Variants in DDX18 observed in about 807,000 individuals in gnomAD.
DDX18 encodes DEAD-box helicase 18, also known as ATP-dependent RNA helicase DDX18.
DDX18 carries 23 observed loss-of-function variants against 73.5 expected under a neutral mutation model. The observed-to-expected ratio is 0.31, with a 90% confidence interval of 0.23 to 0.44. DDX18 has a LOEUF of 0.44. Among genes scored for constraint, DDX18 ranks in the 20% least tolerant of loss-of-function variants. The pLI, the probability that DDX18 is intolerant of heterozygous loss-of-function variation, is 1.00. For missense variants in DDX18, 753 were observed against 792.9 expected, an observed-to-expected ratio of 0.95 and a Z score of 0.60; for synonymous variants, 268 against 282.7, an observed-to-expected ratio of 0.95 and a Z score of 0.52.
At chr2:117,825,982 C>A in intron 10 of DDX18, 1 of 388,128 alleles carries the variant, frequency 2.6e-6, no homozygotes, top group Middle Eastern at 7.1e-4. Flanking sequence ...TGATGAAGCA[C>A]ACATAATACT....
rs1679861184 is a variant in DDX18 at position 117,822,442 on chromosome 2, T to C, written c.1066+181T>C. On this transcript the variant is annotated intron_variant, in intron 7 of 13. Coordinates refer to ENST00000263239, the MANE Select transcript of DDX18 (RefSeq NM_006773.4). ...TCAAATGTATTATAACTTGATATAATAGTTTTGCTGTTTTAGAAGTTATAA... is the reference window on the plus strand; with the variant it reads ...TCAAATGTATTATAACTTGATATAACAGTTTTGCTGTTTTAGAAGTTATAA... 9 of 543,432 alleles carry C rather than the reference T, an allele frequency of 1.7e-5. No homozygotes were observed. In the South Asian group the frequency reaches 1.8e-4, roughly 11 times the overall value. 33.7% of individuals were successfully genotyped at this position (543,432 alleles called of 1,614,324 possible).
Position 117,830,619 on chromosome 2 carries a change from A to AG in DDX18, c.1910dup (p.Gly638TrpfsTer13). ...ATGAAGGCAAGCAGAAAAAGCGAGGAGGTGGTGGTGGATTTGGCTACCAGA... is the reference window on the plus strand; with the variant it reads ...ATGAAGGCAAGCAGAAAAAGCGAGGAGGGTGGTGGTGGATTTGGCTACCAGA... On this transcript the variant is annotated frameshift_variant, in exon 14 of 14. Coordinates refer to ENST00000263239, the MANE Select transcript of DDX18 (RefSeq NM_006773.4). LOFTEE classifies it high-confidence loss of function. 7 of 1,613,808 alleles carry AG rather than the reference A, an allele frequency of 4.3e-6. No homozygotes were observed. Among genetic ancestry groups the AG allele is most frequent in the Non-Finnish European group, 4.2e-6 (5 of 1,179,808 alleles).
chr2:117,815,100 C>T (rs1230676477), intron 1 of DDX18: 3 of 556,028 alleles, frequency 5.4e-6, no homozygotes, highest in Admixed American at 3.1e-5. Context: ...AACGTTAGAG[C>T]GGGAGGACTC....
chr2:117,817,421 A>G (rs752046455), intron 1 of DDX18, 23 bp from the exon 2 acceptor site: 43 of 1,578,732 alleles, frequency 2.7e-5, no homozygotes, highest in East Asian at 2.0e-4. Flanking sequence ...TTGTCACAGT[A>G]TATGTTCTGT....
At chr2:117,827,672 CT>C (rs1679956174) in intron 11 of DDX18, 1 of 152,108 alleles carries the variant, frequency 6.6e-6, no homozygotes, top group Admixed American at 6.6e-5. Flanking sequence ...TGAACTCATC[CT>C]TTTTTATGGC....
intron 7 of DDX18, chr2:117,824,345 C>A: frequency 2.7e-6 from 1 of 370,816 alleles, no homozygotes; most frequent in Non-Finnish European, 4.7e-6. Context: ...CTATTTTCTT[C>A]AGTTGTTTGT....
chr2:117,819,565 A>T (rs1679810963), intron 2 of DDX18, 84 bp from the exon 3 acceptor site: 1 of 1,213,472 alleles, frequency 8.2e-7, no homozygotes, highest in Non-Finnish European at 1.1e-6. Flanking sequence ...ACGTCTTTAT[A>T]TCAGAGATCT....
chr2:117,821,962 G>C lies in DDX18; in HGVS notation c.852G>C (p.Leu284Phe), dbSNP rs1048538007. 6 of 1,613,948 alleles carry C rather than the reference G, an allele frequency of 3.7e-6. No individual in the cohort carries two copies. In the African/African-American group the frequency reaches 8.0e-5, roughly 22 times the overall value. The change falls in exon 6 of 14, where the codon TTG becomes TTC. Residue 284 changes from leucine to phenylalanine, a missense_variant. By Grantham distance (22) the Leu-to-Phe change is conservative (BLOSUM62 0). Coordinates refer to ENST00000263239, the MANE Select transcript of DDX18 (RefSeq NM_006773.4). ...LMTHHVHTYGLIMGGSNRSAE... is the reference protein window; with the variant it reads ...LMTHHVHTYGFIMGGSNRSAE... ...CTCACCACGTGCATACCTATGGCTT[G>C]ATAATGGGTGGCAGTAACAGATCTG...
chr2:117,830,861 TGA>T lies in DDX18; in HGVS notation c.*139_*140del, dbSNP rs1484629555. 4 of 924,554 alleles carry T rather than the reference TGA, an allele frequency of 4.3e-6. No homozygotes were observed. The highest frequency in any genetic ancestry group is 6.6e-6 in the Non-Finnish European group (4 of 609,416). The allele number at this position is 924,554 out of a possible 1,614,324, so 57.3% of individuals were successfully genotyped here. On this transcript the variant is annotated 3_prime_UTR_variant, in exon 14 of 14. Transcript: ENST00000263239. ...ATAAATTGACTTGGGTTGCAAGCAC[TGA>T]GCACTGTTACTTCTATCACGTCTCT...
rs905285940 is a variant in DDX18 at position 117,831,987 on chromosome 2, GGAAAA to G, written c.*1272_*1276del. 4.6e-5 allele frequency: 7 copies of G among 152,184 alleles called. No individual in the cohort carries two copies. The highest frequency in any genetic ancestry group is 1.2e-4 in the African/African-American group (5 of 41,422). 9.4% of individuals were successfully genotyped at this position (152,184 alleles called of 1,614,324 possible). ...AAAACTGGTAAAGAACATTCCAGTA[GGAAAA>G]GAAAAGAACAATCTTCCATTTCTGG... On this transcript the variant is annotated 3_prime_UTR_variant, in exon 14 of 14. Coordinates refer to ENST00000263239, the MANE Select transcript of DDX18 (RefSeq NM_006773.4).
At chr2:117,824,065 AT>A (rs1280258077) in intron 7 of DDX18, among the ~76,000 whole-genome samples, 1 of 152,258 alleles carries the variant, frequency 6.6e-6, no homozygotes, top group East Asian at 1.9e-4. Context: ...TCTATTTCAA[AT>A]TTTGTATATG....
rs61755351 is a variant in DDX18 at position 117,819,668 on chromosome 2, T to C, written c.390T>C (p.Thr130=). Reference sequence around the variant, plus strand: ...CCAAAGATACGAAAAAAGCAAAAACTGAAAACAAAGGGAAATCTGAAGAAG... The same window carrying C: ...CCAAAGATACGAAAAAAGCAAAAACCGAAAACAAAGGGAAATCTGAAGAAG... ...DAEPDTKKAK[T]ENKGKSEEES... The change falls in exon 3 of 14, where the codon ACT becomes ACC. Residue 130 remains threonine, a synonymous_variant. Coordinates refer to ENST00000263239, the MANE Select transcript of DDX18 (RefSeq NM_006773.4). 631 of 1,585,302 alleles carry C rather than the reference T, an allele frequency of 4.0e-4. 3 individuals are homozygous for C. In the African/African-American group the frequency reaches 8.1e-3, roughly 20 times the overall value.
chr2:117,824,599 C>T lies in DDX18; in HGVS notation c.1097C>T (p.Thr366Ile), dbSNP rs1371884608. 2.0e-6 allele frequency: 3 copies of T among 1,484,038 alleles called. No homozygotes were observed. The highest frequency in any genetic ancestry group is 2.7e-6 in the Non-Finnish European group (3 of 1,118,220). 91.9% of individuals were successfully genotyped at this position (1,484,038 alleles called of 1,614,324 possible). A position where few individuals can be genotyped will look rare whatever the true frequency, so the allele number is the denominator to read the frequency against. ...TRRQTMLFSA[T>I]QTRKVEDLAR... ...AGACAGACTATGCTCTTTTCTGCCA[C>T]CCAAACTCGAAAAGTTGAAGACCTG... The change falls in exon 8 of 14, where the codon ACC (threonine) becomes ATC (isoleucine). Residue 366 changes from threonine to isoleucine, a missense_variant. By Grantham distance (89) the Thr-to-Ile change is moderately conservative (BLOSUM62 -1). This residue lies in a region of DDX18 where 402 missense variants were observed against 419.4 expected (regional missense o/e 0.96). Coordinates refer to ENST00000263239, the MANE Select transcript of DDX18 (RefSeq NM_006773.4).
rs778782995 is a variant in DDX18, at chr2:117,821,179, C to T, written c.533C>T (p.Ser178Leu). ...TGTTTAGGAGCTTTTGAGGATACTT[C>T]GTTTGCTTCTCTATGTAATCTTGTC... ...LGLTGAFEDT[S>L]FASLCNLVNE... Residue 178 changes from serine (S) to leucine (L), a missense_variant, in exon 4 of 14, where the codon TCG (serine) becomes TTG (leucine). By Grantham distance (145) the Ser-to-Leu change is moderately radical (BLOSUM62 -2). Transcript: ENST00000263239. The T allele has an allele frequency of 8.2e-6, 13 of 1,588,766 alleles. No individual in the cohort carries two copies. Among genetic ancestry groups the T allele is most frequent in the South Asian group, 1.2e-5 (1 of 85,032 alleles).
chr2:117,821,193 T>C lies in DDX18; in HGVS notation c.547T>C (p.Cys183Arg). The C allele has an allele frequency of 6.2e-7, 1 of 1,606,656 alleles. No individual in the cohort carries two copies. The highest frequency in any genetic ancestry group is 8.5e-7 in the Non-Finnish European group (1 of 1,177,138). The change falls in exon 4 of 14, where the codon TGT (cysteine) becomes CGT (arginine). Residue 183 changes from cysteine to arginine, a missense_variant. By Grantham distance (180) the Cys-to-Arg change is radical. This residue lies in a region of DDX18 where 345 missense variants were observed against 352.0 expected (regional missense o/e 0.98). Coordinates refer to ENST00000263239, the MANE Select transcript of DDX18 (RefSeq NM_006773.4). Reference protein sequence around the residue: ...AFEDTSFASLCNLVNENTLKA... With the variant: ...AFEDTSFASLRNLVNENTLKA... ...TGAGGATACTTCGTTTGCTTCTCTATGTAATCTTGTCAATGAAAACACTCT... is the reference window on the plus strand; with the variant it reads ...TGAGGATACTTCGTTTGCTTCTCTACGTAATCTTGTCAATGAAAACACTCT...
intron 1 of DDX18, among the ~76,000 whole-genome samples, chr2:117,816,027 A>T (rs2104618305): frequency 6.6e-6 from 1 of 152,354 alleles, no homozygotes; most frequent in Admixed American, 6.5e-5. Flanking sequence ...GTATGGCTAA[A>T]TATATCTAAA....
At chr2:117,828,770 C>T in intron 11 of DDX18, 179 bp from the exon 12 acceptor site, 1 of 581,942 alleles carries the variant, frequency 1.7e-6, no homozygotes. Flanking sequence ...GTGCAGATTG[C>T]CTAACTCAGC....
At chr2:117,814,964 C>T (rs1237741533) in intron 1 of DDX18, 102 bp downstream of exon 1, 3 of 1,197,754 alleles carry the variant, frequency 2.5e-6, no homozygotes, top group Non-Finnish European at 3.7e-6. Context: ...GAGGCAGCTT[C>T]CCCTGCAGCG....
In DDX18 at chr2:117,828,956, T is replaced by C. The variant is rs1226457055; in HGVS notation, c.1643T>C (p.Leu548Ser). The change falls in exon 12 of 14, where the codon TTA becomes TCA. Residue 548 changes from leucine (L) to serine (S), a missense_variant. By Grantham distance (145) the Leu-to-Ser change is moderately radical. Coordinates refer to ENST00000263239, the MANE Select transcript of DDX18 (RefSeq NM_006773.4). ...AATACTTTTGATTTCTAGGTTCCAT[T>C]AAGTGAATTTGACTTTTCCTGGTCT... ...LRYLKQSKVP[L>S]SEFDFSWSKI... The C allele has an allele frequency of 6.2e-7, 1 of 1,608,092 alleles. No individual in the cohort carries two copies. Among genetic ancestry groups the C allele is most frequent in the Non-Finnish European group, 8.5e-7 (1 of 1,174,762 alleles).
Sources: allele counts gnomAD v4.1 joint callset (sites outside exome capture counted in the v4.1 genomes callset), GRCh38; gene constraint gnomAD v4.1.1; regional missense constraint gnomAD v4.1.1; transcripts MANE v1.5; gene names NCBI Gene and HGNC (gene_info 2026-07-23, HGNC 2026-07-21).